CFAP74: variants seen among roughly 807,000 people sequenced by gnomAD.
The protein encoded by CFAP74 is cilia- and flagella-associated protein 74.
A neutral mutation model predicts 188.9 loss-of-function variants in CFAP74; 124 were observed. That is an observed-to-expected ratio of 0.66 (90% CI 0.57 to 0.76). The LOEUF (loss-of-function observed/expected upper bound fraction) is 0.76, where lower values mean the gene tolerates loss of function less well. CFAP74 is among the 30% of genes least tolerant of loss of function. The pLI, the probability that CFAP74 is intolerant of heterozygous loss-of-function variation, is 0.00. For missense variants in CFAP74, 2,198 were observed against 2,165.2 expected, an observed-to-expected ratio of 1.02 and a Z score of -0.30; for synonymous variants, 956 against 916.7, an observed-to-expected ratio of 1.04 and a Z score of -0.77.
At chr1:1,985,627 G>T (rs1181055850) in intron 5 of CFAP74, 137 bp from the exon 6 acceptor site, 2 of 683,664 alleles carry the variant, frequency 2.9e-6, no homozygotes, top group Admixed American at 2.2e-5. Flanking sequence ...CCAATGGAGC[G>T]TGGGGCTGGC....
chr1:1,966,793 G>C (rs1468655295), intron 11 of CFAP74, among the ~76,000 whole-genome samples: 3 of 151,680 alleles, frequency 2.0e-5, no homozygotes, highest in Non-Finnish European at 2.9e-5. Context: ...CTAATTCACG[G>C]ACTGGCATCC....
intron 25 of CFAP74, among the ~76,000 whole-genome samples, chr1:1,932,408 A>G (rs1277671718): frequency 6.6e-6 from 1 of 151,516 alleles, no homozygotes; most frequent in Non-Finnish European, 1.5e-5. Context: ...AAAAAAAAAA[A>G]AAAGAAAAGA....
At chr1:1,922,785 T>TA (rs1240096108) in intron 37 of CFAP74, 62 bp from the exon 38 acceptor site, 50 of 1,564,018 alleles carry the variant, frequency 3.2e-5, no homozygotes, top group Non-Finnish European at 4.1e-5. Flanking sequence ...GCAGTGGGAC[T>TA]AGGGGTGAGG....
At chr1:1,951,390 TG>T (rs1351249729) in intron 18 of CFAP74, among the ~76,000 whole-genome samples, 1 of 152,212 alleles carries the variant, frequency 6.6e-6, no homozygotes, top group Non-Finnish European at 1.5e-5. Flanking sequence ...CCAATTGTTA[TG>T]GCCTCACTTG....
At chr1:1,928,630 C>T (rs763077982) in intron 27 of CFAP74, among the ~76,000 whole-genome samples, 154 bp downstream of exon 27, 5 of 152,194 alleles carry the variant, frequency 3.3e-5, no homozygotes, top group Non-Finnish European at 5.9e-5. Flanking sequence ...GCTTTTTAAC[C>T]TCAGATACAG....
intron 9 of CFAP74, among the ~76,000 whole-genome samples, chr1:1,971,223 G>A (rs529215139): frequency 4.5e-4 from 64 of 142,836 alleles, no homozygotes; most frequent in Admixed American, 2.0e-3. Flanking sequence ...ACACATACGC[G>A]TGCACGCCTG....
chr1:1,954,980 C>T (rs1376477270), intron 18 of CFAP74: 2 of 1,170,170 alleles, frequency 1.7e-6, no homozygotes, highest in Non-Finnish European at 2.1e-6. Flanking sequence ...GAACCCGAGG[C>T]TCTCTCAGGA....
chr1:1,959,941 G>C, intron 15 of CFAP74, 23 bp downstream of exon 15: 1 of 1,564,392 alleles, frequency 6.4e-7, no homozygotes, highest in African/African-American at 1.4e-5. Context: ...CCCTTCGAGA[G>C]AGAACGGGCC....
chr1:1,943,348 C>A (rs971901075), intron 21 of CFAP74, among the ~76,000 whole-genome samples: 3 of 152,226 alleles, frequency 2.0e-5, no homozygotes, highest in Admixed American at 6.5e-5. Context: ...TCACCGCAGG[C>A]TGCACATTCC....
intron 18 of CFAP74, among the ~76,000 whole-genome samples, chr1:1,951,230 T>G (rs995324585): frequency 6.6e-6 from 1 of 152,174 alleles, no homozygotes; most frequent in African/African-American, 2.4e-5. Flanking sequence ...TCAGATCTCA[T>G]GAGAATTCAC....
chr1:1,964,782 T>C (rs1655343575), intron 13 of CFAP74, 106 bp downstream of exon 13: 1 of 1,208,730 alleles, frequency 8.3e-7, no homozygotes, highest in Non-Finnish European at 1.2e-6. Flanking sequence ...AGAGTGAGAC[T>C]CCATCTCAAA....
At position 1,973,970 on chromosome 1, in the gene CFAP74, A is replaced by G; in HGVS notation, c.674+55T>C. On this transcript the variant is annotated intron_variant, in intron 7 of 38. Transcript: ENST00000682832. The surrounding 1 kb of genome is among the most constrained non-coding windows in gnomAD (Gnocchi z 6.2). Reference sequence around the variant, plus strand: ...TGGAGACCCCTGGGGGAGAGGGCGGAGGGGCTGGCAGAAGCTGCTGGGAAG... The same window carrying G: ...TGGAGACCCCTGGGGGAGAGGGCGGGGGGGCTGGCAGAAGCTGCTGGGAAG... The G allele has an allele frequency of 6.9e-7, 1 of 1,452,986 alleles. No homozygotes were observed. The highest frequency in any genetic ancestry group is 9.2e-7 in the Non-Finnish European group (1 of 1,091,616). The allele number at this position is 1,452,986 out of a possible 1,614,324, so 90.0% of individuals were successfully genotyped here. A position where few individuals can be genotyped will look rare whatever the true frequency, so the allele number is the denominator to read the frequency against.
chr1:1,927,319 G>T, intron 28 of CFAP74: 1 of 576,698 alleles, frequency 1.7e-6, no homozygotes, highest in South Asian at 2.1e-5. Flanking sequence ...GCACCCATTA[G>T]AGCTTTCCCA....
intron 1 of CFAP74, among the ~76,000 whole-genome samples, chr1:1,991,977 T>C (rs997350082): frequency 1.3e-5 from 2 of 151,220 alleles, no homozygotes; most frequent in Non-Finnish European, 2.9e-5. Flanking sequence ...GAGGCGGAGC[T>C]TGCAGTGAGC....
intron 4 of CFAP74, chr1:1,987,853 G>A: frequency 3.0e-6 from 1 of 337,194 alleles, no homozygotes; most frequent in Non-Finnish European, 5.8e-6. Flanking sequence ...ACGGTCACTT[G>A]GAAAACACAC....
chr1:1,975,266 CTT>C lies in CFAP74; in HGVS notation c.501-1070_501-1069del, dbSNP rs1656367117. Among the ~76,000 whole-genome samples the C allele has an allele frequency of 6.6e-6, 1 of 152,162 alleles. No individual in the cohort carries two copies. The highest frequency in any genetic ancestry group is 6.6e-5 in the Admixed American group (1 of 15,266). ...TCCGTGAATAAAGTCTGCTTTACAT[CTT>C]TTTGAAAAAATCATGAACATATGTT... On this transcript the variant is annotated intron_variant, in intron 6 of 38. Coordinates refer to ENST00000682832, the MANE Select transcript of CFAP74 (RefSeq NM_001304360.2). The surrounding 1 kb of genome is among the most constrained non-coding windows in gnomAD (Gnocchi z 4.5).
At chr1:1,959,864 G>C in intron 15 of CFAP74, 100 bp downstream of exon 15, 1 of 1,021,112 alleles carries the variant, frequency 9.8e-7, no homozygotes, top group Admixed American at 2.9e-5. Flanking sequence ...GAGAGGCCAA[G>C]TGCATCCTTC....
At chr1:1,948,412 A>AATATATATAT (rs56005703) in intron 18 of CFAP74, among the ~76,000 whole-genome samples, 4,507 of 144,310 alleles carry the variant, frequency 0.031, 248 homozygotes, top group African/African-American at 0.11. Context: ...GGCATATATA[A>AATATATATAT]ATATATATAT....
intron 14 of CFAP74, among the ~76,000 whole-genome samples, chr1:1,960,827 C>T (rs182145778): frequency 3.9e-4 from 60 of 152,284 alleles, no homozygotes; most frequent in African/African-American, 5.3e-4. Context: ...AGAGGGTGGA[C>T]GTGCGTGCCT....
Sources: allele counts gnomAD v4.1 joint callset (sites outside exome capture counted in the v4.1 genomes callset), GRCh38; gene constraint gnomAD v4.1.1; non-coding constraint Gnocchi (gnomAD v3.1); transcripts MANE v1.5; gene names NCBI Gene and HGNC (gene_info 2026-07-23, HGNC 2026-07-21).